Variants in CHMP3 observed in about 807,000 individuals in gnomAD.
CHMP3 encodes 25.1 protein.
Under a neutral mutation model 27.4 loss-of-function variants are expected in CHMP3, and 8 were observed. The observed-to-expected ratio is 0.29, with a 90% CI of 0.17 to 0.53. The LOEUF (loss-of-function observed/expected upper bound fraction) is 0.53, where lower values mean the gene tolerates loss of function less well. Among genes scored for constraint, CHMP3 ranks in the 20% least tolerant of loss-of-function variants. The pLI is 0.96. For synonymous variants in CHMP3, 86 were observed against 85.5 expected, an observed-to-expected ratio of 1.01 and a Z score of -0.03; for missense variants, 208 against 271.5, an observed-to-expected ratio of 0.77 and a Z score of 1.64.
chr2:86,548,531 A>C (rs1409866677), intron 1 of CHMP3, among the ~76,000 whole-genome samples: 1 of 152,250 alleles, frequency 6.6e-6, no homozygotes. Flanking sequence ...ACAGCATCCC[A>C]AGGCAGAAGA....
At chr2:86,506,507 T>C (rs1331880029) in intron 5 of CHMP3, among the ~76,000 whole-genome samples, 3 of 152,328 alleles carry the variant, frequency 2.0e-5, no homozygotes, top group South Asian at 4.1e-4. Flanking sequence ...TATTCACATG[T>C]TGTAAACATC....
At chr2:86,534,940 C>T (rs1676068216) in intron 2 of CHMP3, among the ~76,000 whole-genome samples, 2 of 152,062 alleles carry the variant, frequency 1.3e-5, no homozygotes, top group African/African-American at 2.4e-5. Context: ...TGATTAGAGA[C>T]TTTAAATCCA....
intron 3 of CHMP3, among the ~76,000 whole-genome samples, chr2:86,519,035 G>A (rs1193448687): frequency 6.6e-6 from 1 of 152,040 alleles, no homozygotes; most frequent in African/African-American, 2.4e-5. Flanking sequence ...TTGTATAGAC[G>A]TTATAGAAAT....
At chr2:86,533,282 T>C (rs1472611477) in intron 2 of CHMP3, among the ~76,000 whole-genome samples, 1 of 152,222 alleles carries the variant, frequency 6.6e-6, no homozygotes, top group Non-Finnish European at 1.5e-5. Flanking sequence ...CTTTCAACTC[T>C]GATTTTAGTA....
intron 3 of CHMP3, among the ~76,000 whole-genome samples, chr2:86,522,335 C>A (rs746458702): frequency 2.0e-5 from 3 of 152,190 alleles, no homozygotes; most frequent in Non-Finnish European, 4.4e-5. Flanking sequence ...GTAGCCTTTT[C>A]CTTCCTGCCT....
At chr2:86,544,805 G>A (rs1406717272) in intron 1 of CHMP3, among the ~76,000 whole-genome samples, 1 of 152,080 alleles carries the variant, frequency 6.6e-6, no homozygotes, top group Non-Finnish European at 1.5e-5. Context: ...TTTTCTTTTT[G>A]ACAAAACTGC....
chr2:86,515,274 T>C (rs1267088072), intron 3 of CHMP3: 1 of 152,190 alleles, frequency 6.6e-6, no homozygotes, highest in Admixed American at 6.5e-5. Flanking sequence ...TCAGTATTGT[T>C]CCAATTTTAG....
intron 1 of CHMP3, among the ~76,000 whole-genome samples, chr2:86,554,364 T>C (rs1437127168): frequency 6.6e-6 from 1 of 152,202 alleles, no homozygotes; most frequent in Non-Finnish European, 1.5e-5. Flanking sequence ...TGGCATTTCA[T>C]AGGTGTTCTA....
intron 1 of CHMP3, among the ~76,000 whole-genome samples, chr2:86,557,387 A>G (rs1320250857): frequency 6.6e-6 from 1 of 152,070 alleles, no homozygotes; most frequent in African/African-American, 2.4e-5. Flanking sequence ...GGCTCACATC[A>G]TCTATCACCT....
chr2:86,548,570 T>C (rs1437154917), intron 1 of CHMP3, among the ~76,000 whole-genome samples: 1 of 152,198 alleles, frequency 6.6e-6, no homozygotes, highest in Non-Finnish European at 1.5e-5. Flanking sequence ...CAAAATGGTG[T>C]CTCCTATGTC....
chr2:86,549,002 G>T lies in CHMP3; in HGVS notation c.46-6690C>A, dbSNP rs11890027. 8.2e-3 allele frequency among the ~76,000 whole-genome samples: 1,220 copies of T among 148,356 alleles called. 7 individuals carry two copies. Among genetic ancestry groups the T allele is most frequent in the Non-Finnish European group, 0.013 (853 of 66,826 alleles). On this transcript the variant is annotated intron_variant, in intron 1 of 5. Coordinates refer to ENST00000263856, the MANE Select transcript of CHMP3 (RefSeq NM_016079.4). ...GCGCTCCTAGCCTCCCAGATGGGGC[G>T]GCCAGGCAGAGGCGCTCCCCACCTC...
At chr2:86,556,467 T>C (rs532450866) in intron 1 of CHMP3, among the ~76,000 whole-genome samples, 23 of 152,198 alleles carry the variant, frequency 1.5e-4, no homozygotes, top group African/African-American at 4.3e-4. Flanking sequence ...GTGGGAAAAA[T>C]TGTAAAAAGA....
At chr2:86,507,629 T>TA in intron 4 of CHMP3, 36 bp from the exon 5 acceptor site, 1 of 1,586,862 alleles carries the variant, frequency 6.3e-7, no homozygotes, top group Non-Finnish European at 8.7e-7. Flanking sequence ...GGTCAACTGT[T>TA]AAATCTGTTC....
At chr2:86,536,145 G>A (rs911143436) in intron 2 of CHMP3, among the ~76,000 whole-genome samples, 5 of 150,788 alleles carry the variant, frequency 3.3e-5, no homozygotes, top group African/African-American at 9.7e-5. Context: ...ACAGGCGCCC[G>A]CCACTACGCC....
intron 1 of CHMP3, among the ~76,000 whole-genome samples, chr2:86,553,609 C>T (rs921515708): frequency 6.6e-6 from 1 of 152,130 alleles, no homozygotes; most frequent in African/African-American, 2.4e-5. Context: ...GAATTATAGG[C>T]GTGAGCCACC....
At chr2:86,548,154 G>A (rs1676685557) in intron 1 of CHMP3, among the ~76,000 whole-genome samples, 1 of 147,866 alleles carries the variant, frequency 6.8e-6, no homozygotes, top group African/African-American at 2.5e-5. Flanking sequence ...ATACATTTAT[G>A]ATTTCAGGTT....
At position 86,504,235 on chromosome 2, in the gene CHMP3, T is replaced by C. The variant is rs1674802409; in HGVS notation, c.*1569A>G. On this transcript the variant is annotated 3_prime_UTR_variant, in exon 6 of 6. Coordinates refer to ENST00000263856, the MANE Select transcript of CHMP3 (RefSeq NM_016079.4). ...TGTACAACACCAGAGTGAATCTTCA[T>C]GTAAACTATGGACTTTGGGTGATAA... 2 of 152,196 alleles carry C rather than the reference T, an allele frequency of 1.3e-5. No homozygotes were observed. The highest frequency in any genetic ancestry group is 2.4e-5 in the African/African-American group (1 of 41,454). 9.4% of individuals were successfully genotyped at this position (152,196 alleles called of 1,614,324 possible).
intron 5 of CHMP3, 59 bp downstream of exon 5, chr2:86,507,420 T>C (rs535125222): frequency 1.4e-6 from 2 of 1,466,382 alleles, no homozygotes; most frequent in Admixed American, 3.4e-5. Flanking sequence ...GCTAATTTAG[T>C]GAATGAAGGA....
At chr2:86,552,537 A>C (rs1676949641) in intron 1 of CHMP3, among the ~76,000 whole-genome samples, 1 of 152,236 alleles carries the variant, frequency 6.6e-6, no homozygotes, top group Non-Finnish European at 1.5e-5. Flanking sequence ...ATTACTGAAG[A>C]GCTGGACATT....
Sources: gnomAD v4.1 joint callset for allele counts (sites outside exome capture counted in the v4.1 genomes callset) on GRCh38, gnomAD v4.1.1 for gene constraint, MANE v1.5 for transcripts, NCBI Gene and HGNC (gene_info 2026-07-23, HGNC 2026-07-21) for gene names.